The following SLC25A26 variants were observed in gnomAD, a reference collection of about 807,000 sequenced individuals.
The protein encoded by SLC25A26 is solute carrier family 25 member 26.
In SLC25A26, 36 loss-of-function variants were observed where a neutral mutation model predicts 37.8. The observed-to-expected ratio is 0.95, with a 90% CI of 0.73 to 1.26. The LOEUF is 1.26. SLC25A26 is among the 50% of genes most tolerant of loss of function. SLC25A26 has a pLI of 0.00. For missense variants in SLC25A26, 390 were observed against 331.1 expected, an observed-to-expected ratio of 1.18 and a Z score of -1.38; for synonymous variants, 129 against 122.5, an observed-to-expected ratio of 1.05 and a Z score of -0.35.
At chr3:66,374,584 A>G (rs1451551732) in intron 9 of SLC25A26, among the ~76,000 whole-genome samples, 1 of 152,200 alleles carries the variant, frequency 6.6e-6, no homozygotes. Flanking sequence ...CACCTTTCTC[A>G]TTTTAAATAA....
intron 1 of SLC25A26, among the ~76,000 whole-genome samples, chr3:66,139,527 T>A (rs2106663011): frequency 6.6e-6 from 1 of 152,322 alleles, no homozygotes; most frequent in Non-Finnish European, 1.5e-5. Context: ...CAGCACACAT[T>A]TCTTTCGCGG....
At chr3:66,143,037 G>A (rs2070059534) in intron 1 of SLC25A26, among the ~76,000 whole-genome samples, 1 of 152,150 alleles carries the variant, frequency 6.6e-6, no homozygotes, top group Admixed American at 6.5e-5. Flanking sequence ...AAAGTGCTGA[G>A]ATTAAGATGT....
chr3:66,355,213 C>T (rs1250929442), intron 6 of SLC25A26, among the ~76,000 whole-genome samples: 2 of 151,954 alleles, frequency 1.3e-5, no homozygotes, highest in Non-Finnish European at 2.9e-5. Context: ...AATGTCTTTG[C>T]CTGTAATTAC....
At chr3:66,206,767 C>T (rs1287912209) in intron 1 of SLC25A26, among the ~76,000 whole-genome samples, 3 of 150,238 alleles carry the variant, frequency 2.0e-5, no homozygotes, top group Admixed American at 6.7e-5. Flanking sequence ...TAGTGGCATG[C>T]ACTCCAGTAG....
chr3:66,323,726 T>A (rs1346083659), intron 5 of SLC25A26: 1 of 152,236 alleles, frequency 6.6e-6, no homozygotes, highest in Admixed American at 6.5e-5. Flanking sequence ...TGGTGAGGGA[T>A]GGCTTGAGCC....
intron 1 of SLC25A26, among the ~76,000 whole-genome samples, chr3:66,159,444 T>C (rs192285030): frequency 6.6e-6 from 1 of 152,346 alleles, no homozygotes. Context: ...ATGTTGAGTT[T>C]ATGGTCTCTT....
At chr3:66,223,614 C>G (rs892972658) in intron 1 of SLC25A26, among the ~76,000 whole-genome samples, 8 of 152,184 alleles carry the variant, frequency 5.3e-5, no homozygotes, top group Non-Finnish European at 1.0e-4. Context: ...TAGGTAAGCA[C>G]TCAGTACTAC....
chr3:66,292,832 C>G (rs1045044885), intron 5 of SLC25A26, among the ~76,000 whole-genome samples: 7 of 152,102 alleles, frequency 4.6e-5, no homozygotes, highest in Non-Finnish European at 8.8e-5. Context: ...ATGTTAGCCT[C>G]TCTTGCTAGG....
At chr3:66,145,551 C>G (rs1465643929) in intron 1 of SLC25A26, among the ~76,000 whole-genome samples, 2 of 152,112 alleles carry the variant, frequency 1.3e-5, no homozygotes, top group Admixed American at 6.5e-5. Context: ...ATTGCTGAAT[C>G]AGCATTTGAT....
intron 5 of SLC25A26, among the ~76,000 whole-genome samples, chr3:66,319,432 G>A (rs1035964316): frequency 2.0e-5 from 3 of 152,022 alleles, no homozygotes; most frequent in Non-Finnish European, 4.4e-5. Flanking sequence ...AACTTCGCGC[G>A]CTTTTATTAG....
At chr3:66,211,920 C>G (rs1043160286) in intron 1 of SLC25A26, among the ~76,000 whole-genome samples, 2 of 152,128 alleles carry the variant, frequency 1.3e-5, no homozygotes, top group Non-Finnish European at 2.9e-5. Flanking sequence ...CTATAGATCT[C>G]AAGAATTTTT....
intron 1 of SLC25A26, among the ~76,000 whole-genome samples, chr3:66,202,015 G>T (rs1339436262): frequency 1.3e-5 from 2 of 152,044 alleles, no homozygotes; most frequent in African/African-American, 4.8e-5. Context: ...AGAAAAAAAT[G>T]ATATACCCAA....
chr3:66,206,932 A>T (rs1307894588), intron 1 of SLC25A26, among the ~76,000 whole-genome samples: 6 of 117,092 alleles, frequency 5.1e-5, no homozygotes, highest in Non-Finnish European at 5.2e-5. Flanking sequence ...GAGTTTTGCC[A>T]TGTTGCCTGG....
At chr3:66,172,449 A>G (rs1200100132) in intron 1 of SLC25A26, among the ~76,000 whole-genome samples, 1 of 150,546 alleles carries the variant, frequency 6.6e-6, no homozygotes, top group Non-Finnish European at 1.5e-5. Context: ...AAGAGGGAGA[A>G]AGAGAGAAAG....
intron 2 of SLC25A26, among the ~76,000 whole-genome samples, chr3:66,241,996 C>T (rs2072608726): frequency 6.6e-6 from 1 of 152,028 alleles, no homozygotes; most frequent in African/African-American, 2.4e-5. Flanking sequence ...GTTCAGCCCC[C>T]AACTTGGAAC....
chr3:66,208,870 G>GTATATATATA lies in SLC25A26; in HGVS notation c.-353-11865_-353-11856dup, dbSNP rs1553655942. On this transcript the variant is annotated intron_variant, in intron 1 of 10. Transcript: ENST00000676754. ...TATATATACCTTTATATGGGTGTGT[G>GTATATATATA]TATATATATATATATACACCTTTAT... Among the ~76,000 whole-genome samples the GTATATATATA allele has an allele frequency of 9.1e-4, 51 of 55,902 alleles. 1 individual carries two copies. The highest frequency in any genetic ancestry group is 2.3e-3 in the African/African-American group (50 of 22,144). The allele number at this position is 55,902 out of a possible 152,430, so 36.7% of individuals were successfully genotyped here.
intron 3 of SLC25A26, among the ~76,000 whole-genome samples, chr3:66,255,479 T>C (rs2073261825): frequency 6.6e-6 from 1 of 151,272 alleles, no homozygotes; most frequent in African/African-American, 2.4e-5. Flanking sequence ...TTTGATAAAG[T>C]ATGGAGGGAG....
intron 1 of SLC25A26, among the ~76,000 whole-genome samples, chr3:66,228,134 CAA>C (rs2071842612): frequency 6.6e-6 from 1 of 152,182 alleles, no homozygotes; most frequent in African/African-American, 2.4e-5. Flanking sequence ...TATCTAAACA[CAA>C]GTATATTCCA....
intron 5 of SLC25A26, among the ~76,000 whole-genome samples, chr3:66,285,270 A>G: frequency 6.6e-6 from 1 of 152,074 alleles, no homozygotes; most frequent in South Asian, 2.1e-4. Flanking sequence ...CATTATTATT[A>G]TTTTTTTTAA....
Sources: allele counts gnomAD v4.1 joint callset (sites outside exome capture counted in the v4.1 genomes callset), GRCh38; gene constraint gnomAD v4.1.1; transcripts MANE v1.5; gene names NCBI Gene and HGNC (gene_info 2026-07-23, HGNC 2026-07-21).